STAU1: variants seen among roughly 807,000 people sequenced by gnomAD.
STAU1 encodes double-stranded RNA-binding protein Staufen homolog 1.
A neutral mutation model predicts 62.9 loss-of-function variants in STAU1; 13 were observed. The ratio of observed to expected loss-of-function variants is 0.21; its 90% CI spans 0.13 to 0.33. STAU1 has a LOEUF of 0.33. STAU1 is among the 10% of genes least tolerant of loss of function. STAU1 has a pLI of 1.00. For missense variants in STAU1, 571 were observed against 712.1 expected, an observed-to-expected ratio of 0.80 and a Z score of 2.25; for synonymous variants, 269 against 265.1, an observed-to-expected ratio of 1.01 and a Z score of -0.14.
the STAU1 span, among the ~76,000 whole-genome samples, chr20:49,197,262 GA>G: frequency 1.0e-2 from 904 of 90,460 alleles, 10 homozygotes; most frequent in African/African-American, 0.031. Context: ...CAGTAGTTAA[GA>G]AAAAAAAAAA....
chr20:49,210,429 T>A, the STAU1 span: 3 of 456,072 alleles, frequency 6.6e-6, no homozygotes, highest in East Asian at 1.4e-4. Flanking sequence ...ACTTTACACA[T>A]GTATGAGAAA....
At position 49,156,587 on chromosome 20, in the gene STAU1, C is replaced by T. The variant is rs901842031; in HGVS notation, c.206-2516G>A. ...AATTTTGTTCCCTCCAAAGCTTTAGCAGCAGCTGTGTGTTTGACCTTTTTA... is the reference window on the plus strand; with the variant it reads ...AATTTTGTTCCCTCCAAAGCTTTAGTAGCAGCTGTGTGTTTGACCTTTTTA... On this transcript the variant is annotated intron_variant, in intron 3 of 13. Coordinates refer to ENST00000371856, the MANE Select transcript of STAU1 (RefSeq NM_017453.4). Among the ~76,000 whole-genome samples, 5 of 152,316 alleles carry T rather than the reference C, an allele frequency of 3.3e-5. No individual in the cohort carries two copies. In the East Asian group the frequency reaches 9.6e-4, roughly 29 times the overall value.
chr20:49,171,490 G>A (rs898958500), intron 2 of STAU1, among the ~76,000 whole-genome samples: 2 of 151,966 alleles, frequency 1.3e-5, no homozygotes, highest in South Asian at 2.1e-4. Context: ...TAGTAGAGAC[G>A]GGGTTTCACC....
chr20:49,206,751 A>ATATATATATTTTTTTTTTT, the STAU1 span, among the ~76,000 whole-genome samples: 4 of 95,034 alleles, frequency 4.2e-5, no homozygotes, highest in African/African-American at 1.7e-4. Context: ...ATATATATAT[A>ATATATATATTTTTTTTTTT]TTTTATTTTA....
intron 6 of STAU1, among the ~76,000 whole-genome samples, chr20:49,128,156 A>G (rs1018223237): frequency 6.7e-6 from 1 of 149,052 alleles, no homozygotes; most frequent in African/African-American, 2.5e-5. Flanking sequence ...TCTCAGAGGA[A>G]AAAAAAAAAA....
the STAU1 span, among the ~76,000 whole-genome samples, chr20:49,200,415 G>A: frequency 6.6e-6 from 1 of 152,066 alleles, no homozygotes; most frequent in Non-Finnish European, 1.5e-5. Context: ...TGGCTAACAG[G>A]GTGAAACACC....
At chr20:49,153,775 G>A (rs1393697944) in intron 4 of STAU1, among the ~76,000 whole-genome samples, 158 bp downstream of exon 4, 1 of 150,082 alleles carries the variant, frequency 6.7e-6, no homozygotes, top group Admixed American at 6.7e-5. Context: ...GGCGGGGGAG[G>A]GGCACAAAGG....
Position 49,182,838 on chromosome 20 carries a change from C to CA in STAU1, c.-160+5277dup, listed in dbSNP as rs1180599599. ...TGGGTAACAGAGCCAGACTCCGTCT[C>CA]AAAAAAAAAAAAAAAAATAGTAGAC... On this transcript the variant is annotated intron_variant, in intron 1 of 13. Coordinates refer to ENST00000371856, the MANE Select transcript of STAU1 (RefSeq NM_017453.4). Among the ~76,000 whole-genome samples, 545 of 58,600 alleles carry CA rather than the reference C, an allele frequency of 9.3e-3. 5 individuals carry two copies. Among genetic ancestry groups the CA allele is most frequent in the East Asian group, 0.034 (76 of 2,222 alleles). The allele number at this position is 58,600 out of a possible 152,430, so 38.4% of individuals were successfully genotyped here. A position where few individuals can be genotyped will look rare whatever the true frequency, so the allele number is the denominator to read the frequency against.
intron 13 of STAU1, 123 bp downstream of exon 13, chr20:49,115,659 A>C (rs886130503): frequency 1.1e-6 from 1 of 870,356 alleles, no homozygotes; most frequent in Non-Finnish European, 1.9e-6. Context: ...ACTTTCAGGC[A>C]AAAGGGCCAG....
chr20:49,115,222 G>A (rs1280995009), intron 13 of STAU1, among the ~76,000 whole-genome samples: 1 of 152,008 alleles, frequency 6.6e-6, no homozygotes, highest in Non-Finnish European at 1.5e-5. Context: ...GATGGGATGG[G>A]GGCTGTCCGA....
chr20:49,179,547 A>G (rs1457988169), intron 1 of STAU1, among the ~76,000 whole-genome samples: 1 of 152,252 alleles, frequency 6.6e-6, no homozygotes, highest in African/African-American at 2.4e-5. Context: ...TAAGCTTCCA[A>G]GCATAATGAG....
At chr20:49,193,581 T>G in the STAU1 span, among the ~76,000 whole-genome samples, 109,686 of 151,844 alleles carry the variant, frequency 0.72, 40,212 homozygotes, top group African/African-American at 0.84. Context: ...TGAGGCAGGA[T>G]AATCGCTTGA....
chr20:49,138,410 C>T (rs1166570633), intron 5 of STAU1, among the ~76,000 whole-genome samples: 1 of 152,082 alleles, frequency 6.6e-6, no homozygotes, highest in Non-Finnish European at 1.5e-5. Context: ...TCTATCCTTC[C>T]ATAATCTTTT....
At chr20:49,142,585 C>T (rs1034673534) in intron 5 of STAU1, among the ~76,000 whole-genome samples, 2 of 152,002 alleles carry the variant, frequency 1.3e-5, no homozygotes, top group Non-Finnish European at 2.9e-5. Context: ...TTCTGGAGCC[C>T]GCTCCAGACA....
intron 6 of STAU1, among the ~76,000 whole-genome samples, chr20:49,125,898 C>CA (rs1352734254): frequency 5.3e-5 from 8 of 152,066 alleles, no homozygotes; most frequent in African/African-American, 1.9e-4. Context: ...TTAGGGTAGA[C>CA]AGACGGGATG....
chr20:49,136,773 C>G (rs764024590), intron 5 of STAU1, among the ~76,000 whole-genome samples: 3 of 152,112 alleles, frequency 2.0e-5, no homozygotes, highest in Non-Finnish European at 4.4e-5. Flanking sequence ...TTTTGGCTCA[C>G]TGCTACCTCC....
At chr20:49,185,647 C>T (rs1314284035) in intron 1 of STAU1, among the ~76,000 whole-genome samples, 1 of 152,062 alleles carries the variant, frequency 6.6e-6, no homozygotes, top group Non-Finnish European at 1.5e-5. Flanking sequence ...TGGGGGGATA[C>T]AACATGAAAC....
chr20:49,165,930 C>A, intron 3 of STAU1, 67 bp downstream of exon 3: 1 of 1,528,526 alleles, frequency 6.5e-7, no homozygotes, highest in South Asian at 1.1e-5. Context: ...AAATCTGCAA[C>A]CTATCAGATC....
At chr20:49,120,197 G>A (rs2092433610) in intron 8 of STAU1, 69 bp from the exon 9 acceptor site, 1 of 1,530,108 alleles carries the variant, frequency 6.5e-7, no homozygotes, top group Non-Finnish European at 8.8e-7. Flanking sequence ...AGGAATTGGT[G>A]TGTCAGCAAA....
Sources: allele counts gnomAD v4.1 joint callset (sites outside exome capture counted in the v4.1 genomes callset), GRCh38; gene constraint gnomAD v4.1.1; transcripts MANE v1.5; gene names NCBI Gene and HGNC (gene_info 2026-07-23, HGNC 2026-07-21).